Variants in ZSCAN31 observed in about 807,000 individuals in gnomAD.
ZSCAN31 encodes the protein zinc finger and SCAN domain containing 31.
A neutral mutation model predicts 22.5 loss-of-function variants in ZSCAN31; 14 were observed. That is an observed-to-expected ratio of 0.62 (90% CI 0.41 to 0.97). The LOEUF (loss-of-function observed/expected upper bound fraction) is 0.97. Ranked by LOEUF, ZSCAN31 falls within the 50% of genes least tolerant of loss-of-function variation. The pLI, the probability that ZSCAN31 is intolerant of heterozygous loss-of-function variation, is 0.00. For synonymous variants in ZSCAN31, 168 were observed against 169.8 expected (o/e 0.99, Z 0.08); for missense variants, 424 against 483.4 (o/e 0.88, Z 1.15).
chr6:28,329,673 G>A lies in ZSCAN31; in HGVS notation c.11C>T (p.Thr4Ile), dbSNP rs200112925. Residue 4 changes from threonine to isoleucine, a missense_variant, in exon 2 of 4, where the codon ACA (threonine) becomes ATA (isoleucine). Coordinates refer to ENST00000344279, the MANE Select transcript of ZSCAN31 (RefSeq NM_030899.5). ...AATCTTAAGATCGTACTGTTCCTCT[G>A]TTGAAGCCATTCCTGGGGTTAATTT... MAS[T>I]EEQYDLKIVK... is the part of the protein sequence containing the mutation. 2.5e-6 allele frequency: 4 copies of A among 1,609,596 alleles called. No individual in the cohort carries two copies. In the East Asian group the frequency reaches 8.9e-5, roughly 36 times the overall value.
chr6:28,328,735 T>C (rs967417724), intron 2 of ZSCAN31, among the ~76,000 whole-genome samples: 8 of 152,184 alleles, frequency 5.3e-5, no homozygotes, highest in Non-Finnish European at 8.8e-5. Context: ...AGGGTATTGA[T>C]TGGGGAAGTG....
chr6:28,334,096 AG>A (rs756432957), intron 1 of ZSCAN31, among the ~76,000 whole-genome samples: 8 of 152,222 alleles, frequency 5.3e-5, no homozygotes, highest in Admixed American at 3.3e-4. Context: ...TTGTAAAAGC[AG>A]TTCAGTCACT....
At chr6:28,329,070 A>G (rs1452702687) in intron 2 of ZSCAN31, among the ~76,000 whole-genome samples, 3 of 152,226 alleles carry the variant, frequency 2.0e-5, no homozygotes, top group Non-Finnish European at 2.9e-5. Context: ...GCCAACAGCC[A>G]GTGAGTAGCT....
At position 28,333,554 on chromosome 6, in the gene ZSCAN31, C is replaced by A. The variant is rs1463672391; in HGVS notation, c.-96+2528G>T. 2.0e-5 allele frequency among the ~76,000 whole-genome samples: 3 copies of A among 152,042 alleles called. No individual in the cohort carries two copies. The highest frequency in any genetic ancestry group is 7.3e-5 in the African/African-American group (3 of 41,364). On this transcript the variant is annotated intron_variant, in intron 1 of 3. Transcript: ENST00000344279. This position sits in a 1 kb window ranked among gnomAD's most constrained non-coding sequence, Gnocchi z 4.1. ...ACTGAGTTACCAAATAAATGGACAG[C>A]CTATTTAGATGGGGTAGTGGGAAGT...
In ZSCAN31 at chr6:28,347,058, C is replaced by T. The variant is rs535455512; in HGVS notation, c.-370-5266G>A. 6.6e-6 allele frequency among the ~76,000 whole-genome samples: 1 copy of T among 152,256 alleles called. No homozygotes were observed. Among genetic ancestry groups the T allele is most frequent in the East Asian group, 1.9e-4 (1 of 5,172 alleles). On this transcript the variant is annotated intron_variant, in intron 2 of 7. Transcript: ENST00000396838. This position sits in a 1 kb window ranked among gnomAD's most constrained non-coding sequence, Gnocchi z 5.2. ...CTCACAGAAGGTTACCTTCCTTCCA[C>T]CTTATACCCCTTACATCAAGGCAAG...
rs5875155 is a variant in ZSCAN31 at position 28,346,342 on chromosome 6, C to CTTTTTTTTTTT, written c.-370-4561_-370-4551dup. Among the ~76,000 whole-genome samples, 781 of 87,716 alleles carry CTTTTTTTTTTT rather than the reference C, an allele frequency of 8.9e-3. 56 individuals carry two copies. The highest frequency in any genetic ancestry group is 0.019 in the African/African-American group (416 of 21,352). The allele number at this position is 87,716 out of a possible 152,430, so 57.5% of individuals were successfully genotyped here. On this transcript the variant is annotated intron_variant, in intron 2 of 7. Transcript: ENST00000396838. Reference sequence around the variant, plus strand: ...GCTTCTTGCTTCTCCTCAGTACAATCTTTTTTTTTTTTTTTTTTTTTTTTT... The same window carrying CTTTTTTTTTTT: ...GCTTCTTGCTTCTCCTCAGTACAATCTTTTTTTTTTTTTTTTTTTTTTTTTTTTTTTTTTTT...
At chr6:28,327,127 G>A (rs1373555831) in intron 3 of ZSCAN31, among the ~76,000 whole-genome samples, 2 of 152,156 alleles carry the variant, frequency 1.3e-5, no homozygotes, top group Admixed American at 6.5e-5. Context: ...GGCAGGCACT[G>A]TTCTAAGTGT....
chr6:28,337,278 G>C (rs556240723), upstream of ZSCAN31, among the ~76,000 whole-genome samples: 2 of 152,338 alleles, frequency 1.3e-5, no homozygotes, highest in South Asian at 4.2e-4. Flanking sequence ...CAGCATGACT[G>C]GAGAGTGGTA....
intron 1 of ZSCAN31, among the ~76,000 whole-genome samples, chr6:28,334,466 C>T (rs994674117): frequency 6.6e-6 from 1 of 152,184 alleles, no homozygotes; most frequent in South Asian, 2.1e-4. Flanking sequence ...TTTTCATTCA[C>T]GTCAGCATAA....
At chr6:28,341,464 C>A (rs1340594182) in intron 3 of ZSCAN31, among the ~76,000 whole-genome samples, 2 of 152,146 alleles carry the variant, frequency 1.3e-5, no homozygotes, top group African/African-American at 2.4e-5. Flanking sequence ...AGGGCGCTAA[C>A]CCCATTCATG....
chr6:28,353,045 T>G (rs939189040), intron 2 of ZSCAN31, among the ~76,000 whole-genome samples: 4 of 151,544 alleles, frequency 2.6e-5, no homozygotes, highest in African/African-American at 9.7e-5. Flanking sequence ...CTTGGCTCAT[T>G]GCAACCTCCG....
In ZSCAN31 at chr6:28,331,940, T is replaced by C. The variant is rs143487255; in HGVS notation, c.-95-2162A>G. ...TAATTGGTGCTTAGGATTTACCTCC[T>C]GGTCTTATGCCACCATGAACTGTCT... On this transcript the variant is annotated intron_variant, in intron 1 of 3. Transcript: ENST00000344279. This position sits in a 1 kb window ranked among gnomAD's most constrained non-coding sequence, Gnocchi z 4.8. Among the ~76,000 whole-genome samples the C allele has an allele frequency of 6.2e-4, 95 of 152,322 alleles. No individual in the cohort carries two copies. Among genetic ancestry groups the C allele is most frequent in the Non-Finnish European group, 1.2e-3 (82 of 68,024 alleles).
intron 2 of ZSCAN31, among the ~76,000 whole-genome samples, chr6:28,327,932 G>T (rs1763423230): frequency 6.6e-6 from 1 of 152,108 alleles, no homozygotes; most frequent in Non-Finnish European, 1.5e-5. Context: ...AGAAATAAAG[G>T]GACAGAGTAC....
chr6:28,355,333 G>C (rs1015453246), upstream of ZSCAN31: 1 of 152,144 alleles, frequency 6.6e-6, no homozygotes, highest in African/African-American at 2.4e-5. Context: ...CCTGCTATTG[G>C]GTAAGTCATG....
chr6:28,330,880 T>G (rs941736268), intron 1 of ZSCAN31, among the ~76,000 whole-genome samples: 2 of 152,176 alleles, frequency 1.3e-5, no homozygotes, highest in Admixed American at 6.5e-5. Flanking sequence ...ACACTTGAAT[T>G]AGACTAAAAT....
rs1182984470 is a variant in ZSCAN31 at position 28,336,116 on chromosome 6, G to A, written c.-130C>T. The A allele has an allele frequency of 1.3e-5, 2 of 152,390 alleles. No individual in the cohort carries two copies. Among genetic ancestry groups the A allele is most frequent in the Non-Finnish European group, 2.9e-5 (2 of 68,198 alleles). The allele number at this position is 152,390 out of a possible 1,614,324, so 9.4% of individuals were successfully genotyped here. ...ACCGGCAAGCTACGGAACAGGTGGC[G>A]GGGCTGCAGCACCCCAATGACCGAT... is the stretch of plus-strand genomic sequence containing the variant. On this transcript the variant is annotated 5_prime_UTR_variant, in exon 1 of 4. Transcript: ENST00000344279.
chr6:28,332,557 G>A (rs145921779), intron 1 of ZSCAN31, among the ~76,000 whole-genome samples: 10 of 152,284 alleles, frequency 6.6e-5, no homozygotes, highest in South Asian at 4.1e-4. Flanking sequence ...AAAGCTTAGC[G>A]CAGTACCTGG....
At chr6:28,332,509 C>T (rs1763831542) in intron 1 of ZSCAN31, 1 of 152,180 alleles carries the variant, frequency 6.6e-6, no homozygotes, top group Non-Finnish European at 1.5e-5. Flanking sequence ...TAGTACTCCT[C>T]TTATAGGTGT....
intron 1 of ZSCAN31, among the ~76,000 whole-genome samples, chr6:28,334,961 A>G (rs751808687): frequency 7.2e-5 from 11 of 152,346 alleles, no homozygotes; most frequent in Non-Finnish European, 1.6e-4. Flanking sequence ...TATTTAAAGA[A>G]AACATATGCG....
Sources: gnomAD v4.1 joint callset for allele counts (sites outside exome capture counted in the v4.1 genomes callset) on GRCh38, gnomAD v4.1.1 for gene constraint, Gnocchi (gnomAD v3.1) non-coding constraint, MANE v1.5 for transcripts, NCBI Gene and HGNC (gene_info 2026-07-23, HGNC 2026-07-21) for gene names.